The following TMC1 variants were observed in gnomAD, a reference collection of about 807,000 sequenced individuals.
The protein encoded by TMC1 is transmembrane channel like 1.
A neutral mutation model predicts 105.8 loss-of-function variants in TMC1; 84 were observed. That is an observed-to-expected ratio of 0.79 (90% CI 0.67 to 0.95). TMC1 has a LOEUF of 0.95. Among genes scored for constraint, TMC1 ranks in the 40% least tolerant of loss-of-function variants. The probability of loss-of-function intolerance (pLI) is 0.00; values close to 1 mark genes in which losing one functional copy is unlikely to be tolerated. For synonymous variants in TMC1, 315 were observed against 311.5 expected (o/e 1.01, Z -0.12); for missense variants, 817 against 914.1 (o/e 0.89, Z 1.37).
chr9:72,535,624 AGT>A (rs1485151558), intron 1 of TMC1, among the ~76,000 whole-genome samples: 1 of 151,966 alleles, frequency 6.6e-6, no homozygotes, highest in Non-Finnish European at 1.5e-5. Flanking sequence ...TTTGTGTTCT[AGT>A]GTGTTTGTGT....
chr9:72,600,382 A>T (rs971297774), intron 2 of TMC1, among the ~76,000 whole-genome samples: 1 of 152,212 alleles, frequency 6.6e-6, no homozygotes, highest in Admixed American at 6.5e-5. Context: ...GTATGGAAAC[A>T]GGTAAGACTG....
In TMC1 at chr9:72,722,392, T is replaced by C. The variant is rs184602462; in HGVS notation, c.363-17727T>C. Among the ~76,000 whole-genome samples, 713 of 152,300 alleles carry C rather than the reference T, an allele frequency of 4.7e-3. 3 individuals are homozygous for C. Among genetic ancestry groups the C allele is most frequent in the African/African-American group, 0.015 (639 of 41,570 alleles). On this transcript the variant is annotated intron_variant, in intron 8 of 23. Transcript: ENST00000297784. ...CACTTTATTCTGGTATCCGCTCCAT[T>C]TTTTGGCATCCTATGCTTCTTCCAT...
chr9:72,558,947 C>T (rs1297932465), intron 1 of TMC1, among the ~76,000 whole-genome samples: 2 of 151,946 alleles, frequency 1.3e-5, no homozygotes, highest in Non-Finnish European at 2.9e-5. Flanking sequence ...CAATTAAAAA[C>T]ATACTTTTCT....
At chr9:72,663,113 G>A (rs980589420) in intron 5 of TMC1, among the ~76,000 whole-genome samples, 1 of 152,204 alleles carries the variant, frequency 6.6e-6, no homozygotes. Flanking sequence ...GGTTTTTCAA[G>A]GATAGTTTGA....
At chr9:72,585,775 T>C (rs1278226448) in intron 2 of TMC1, among the ~76,000 whole-genome samples, 1 of 152,098 alleles carries the variant, frequency 6.6e-6, no homozygotes, top group Non-Finnish European at 1.5e-5. Context: ...CGAGGAGCCA[T>C]TGCCATTCAG....
At chr9:72,669,728 T>C (rs1037174829) in intron 5 of TMC1, among the ~76,000 whole-genome samples, 4 of 152,122 alleles carry the variant, frequency 2.6e-5, no homozygotes, top group African/African-American at 9.7e-5. Context: ...AAAAAGAACT[T>C]ATCTTAGAGA....
At chr9:72,829,946 G>A (rs771789532) in intron 21 of TMC1, among the ~76,000 whole-genome samples, 1 of 152,014 alleles carries the variant, frequency 6.6e-6, no homozygotes, top group African/African-American at 2.4e-5. Context: ...TACATTCTAC[G>A]GAAAAAATTC....
At chr9:72,826,579 A>G (rs1322837880) in intron 20 of TMC1, among the ~76,000 whole-genome samples, 3 of 152,212 alleles carry the variant, frequency 2.0e-5, no homozygotes, top group Non-Finnish European at 4.4e-5. Context: ...TACAAAATAT[A>G]TTTCAATCAA....
rs552859227 is a variant in TMC1, at chr9:72,820,898, C to T, written c.1820C>T (p.Thr607Ile). 1 of 1,614,204 alleles carries T rather than the reference C, an allele frequency of 6.2e-7. No homozygotes were observed. The highest frequency in any genetic ancestry group is 1.7e-5 in the Admixed American group (1 of 60,032). ...GGCATCAATATCCTTCGACTCCATACATCCATGTACTTCCAGTGCTGGGCC... is the reference window on the plus strand; with the variant it reads ...GGCATCAATATCCTTCGACTCCATATATCCATGTACTTCCAGTGCTGGGCC... ...LPGINILRLH[T>I]SMYFQCWAVM... Residue 607 changes from threonine (T) to isoleucine (I), a missense_variant, in exon 20 of 24, where the codon ACA becomes ATA. Transcript: ENST00000297784.
intron 13 of TMC1, among the ~76,000 whole-genome samples, chr9:72,783,834 C>T (rs907197706): frequency 2.6e-5 from 4 of 152,066 alleles, no homozygotes; most frequent in African/African-American, 9.7e-5. Flanking sequence ...ACTGGATAGC[C>T]CTATCCAGAA....
intron 8 of TMC1, among the ~76,000 whole-genome samples, chr9:72,719,700 A>T (rs1826986450): frequency 6.6e-6 from 1 of 152,214 alleles, no homozygotes; most frequent in African/African-American, 2.4e-5. Flanking sequence ...GCTGCAATTT[A>T]GTCCTGACTC....
chr9:72,699,436 TTTTCTTTC>T (rs1165480359), intron 7 of TMC1, among the ~76,000 whole-genome samples: 1 of 152,172 alleles, frequency 6.6e-6, no homozygotes, highest in Non-Finnish European at 1.5e-5. Flanking sequence ...CGATTTCAAT[TTTTCTTTC>T]TTTCTTTCTC....
chr9:72,597,829 G>A (rs1306019762), intron 2 of TMC1, among the ~76,000 whole-genome samples: 2 of 152,080 alleles, frequency 1.3e-5, no homozygotes, highest in Admixed American at 6.5e-5. Flanking sequence ...ATTACTGTCG[G>A]TTCAGGCCTG....
chr9:72,570,214 G>T (rs1045796912), intron 1 of TMC1, among the ~76,000 whole-genome samples: 1 of 148,996 alleles, frequency 6.7e-6, no homozygotes, highest in Non-Finnish European at 1.5e-5. Context: ...TTGAAAGGGG[G>T]TGGGGCTCAA....
At chr9:72,675,363 A>G (rs1255788789) in intron 5 of TMC1, among the ~76,000 whole-genome samples, 1 of 152,166 alleles carries the variant, frequency 6.6e-6, no homozygotes, top group Non-Finnish European at 1.5e-5. Context: ...ATTTCTAAAA[A>G]TGGGTTTAGT....
intron 1 of TMC1, among the ~76,000 whole-genome samples, chr9:72,566,822 C>T (rs1056346777): frequency 2.0e-5 from 3 of 152,194 alleles, no homozygotes; most frequent in South Asian, 2.1e-4. Flanking sequence ...GCCTTCTCCC[C>T]GCTTTCCTGG....
chr9:72,808,584 T>G (rs1229931820), intron 18 of TMC1, among the ~76,000 whole-genome samples: 1 of 152,268 alleles, frequency 6.6e-6, no homozygotes, highest in Non-Finnish European at 1.5e-5. Context: ...TTATTTGAAC[T>G]GTGTGAGTCA....
intron 5 of TMC1, among the ~76,000 whole-genome samples, chr9:72,684,645 C>G (rs1416901411): frequency 6.6e-6 from 1 of 152,122 alleles, no homozygotes. Context: ...ACTCCAGGCT[C>G]AAATATTCAA....
At chr9:72,815,582 G>A (rs746119323) in intron 18 of TMC1, among the ~76,000 whole-genome samples, 5 of 152,030 alleles carry the variant, frequency 3.3e-5, no homozygotes, top group Non-Finnish European at 5.9e-5. Flanking sequence ...ATTAATGTGT[G>A]GCTTTATATT....
Sources: allele counts gnomAD v4.1 joint callset (sites outside exome capture counted in the v4.1 genomes callset), GRCh38; gene constraint gnomAD v4.1.1; transcripts MANE v1.5; gene names NCBI Gene and HGNC (gene_info 2026-07-23, HGNC 2026-07-21).